AFAP1L2: variants seen among roughly 807,000 people sequenced by gnomAD.
The protein encoded by AFAP1L2 is actin filament-associated protein 1-like 2.
A neutral mutation model predicts 99.3 loss-of-function variants in AFAP1L2; 46 were observed. The ratio of observed to expected loss-of-function variants is 0.46; its 90% CI spans 0.37 to 0.59. AFAP1L2 has a LOEUF of 0.59. AFAP1L2 is among the 20% of genes least tolerant of loss of function. The pLI, the probability that AFAP1L2 is intolerant of heterozygous loss-of-function variation, is 0.00. For synonymous variants in AFAP1L2, 397 were observed against 419.1 expected (o/e 0.95, Z 0.64); for missense variants, 959 against 1,034.9 (o/e 0.93, Z 1.01).
Position 114,300,496 on chromosome 10 carries a change from A to T in AFAP1L2, c.1737T>A (p.Gly579=). 6.2e-7 allele frequency: 1 copy of T among 1,614,022 alleles called. No homozygotes were observed. The highest frequency in any genetic ancestry group is 8.5e-7 in the Non-Finnish European group (1 of 1,179,994). ...TTATGCAGGGCTCATCTGGGGTGGGACCTGGGCCTGAGTCTGCCGGGAGGG... is the reference window on the plus strand; with the variant it reads ...TTATGCAGGGCTCATCTGGGGTGGGTCCTGGGCCTGAGTCTGCCGGGAGGG... ...TEALPADSGP[G]PTPDEPCIKC... Residue 579 remains glycine (G), a synonymous_variant, in exon 14 of 19, where the codon GGT becomes GGA. Transcript: ENST00000304129.
chr10:114,322,341 T>C (rs1185728582), intron 5 of AFAP1L2, among the ~76,000 whole-genome samples: 1 of 152,216 alleles, frequency 6.6e-6, no homozygotes, highest in African/African-American at 2.4e-5. Flanking sequence ...AAGTCATTCC[T>C]GTGGCTGGCA....
chr10:114,284,813 C>CA, the AFAP1L2 span: 1 of 1,534,146 alleles, frequency 6.5e-7, no homozygotes, highest in South Asian at 1.2e-5. Flanking sequence ...CAGTCCTCTC[C>CA]ACTCCTCTGT....
intron 1 of AFAP1L2, among the ~76,000 whole-genome samples, chr10:114,390,075 G>A (rs1217763789): frequency 3.9e-5 from 6 of 152,092 alleles, no homozygotes; most frequent in East Asian, 3.9e-4. Context: ...GCACCTTTCC[G>A]TTTGTATGTG....
At chr10:114,383,492 T>C (rs1415339811) in intron 1 of AFAP1L2, among the ~76,000 whole-genome samples, 1 of 151,928 alleles carries the variant, frequency 6.6e-6, no homozygotes, top group Non-Finnish European at 1.5e-5. Flanking sequence ...TCATGGAGGG[T>C]GGAATTCTAG....
intron 12 of AFAP1L2, chr10:114,301,875 T>G: frequency 3.9e-6 from 1 of 257,216 alleles, no homozygotes; most frequent in East Asian, 9.0e-5. Flanking sequence ...CTGATTCTGT[T>G]TCAGTGGCTC....
intron 1 of AFAP1L2, among the ~76,000 whole-genome samples, chr10:114,352,830 A>G (rs926592002): frequency 6.6e-6 from 1 of 152,216 alleles, no homozygotes; most frequent in Non-Finnish European, 1.5e-5. Context: ...GACAGCCACA[A>G]GGGGCAATGT....
intron 3 of AFAP1L2, among the ~76,000 whole-genome samples, chr10:114,332,637 C>A (rs2047405636): frequency 6.6e-6 from 1 of 152,222 alleles, no homozygotes; most frequent in Admixed American, 6.5e-5. Context: ...AACTAGGCAG[C>A]TCTGCATACC....
intron 2 of AFAP1L2, among the ~76,000 whole-genome samples, chr10:114,334,492 G>A (rs760605906): frequency 1.3e-5 from 2 of 152,178 alleles, no homozygotes; most frequent in African/African-American, 4.8e-5. Context: ...TCTGTTGCAC[G>A]ACCACAGACC....
intron 5 of AFAP1L2, among the ~76,000 whole-genome samples, chr10:114,319,353 T>C (rs967565033): frequency 1.6e-5 from 2 of 127,730 alleles, no homozygotes; most frequent in Non-Finnish European, 3.2e-5. Context: ...CTTTTAGCCA[T>C]GTGTTTTGAT....
At chr10:114,388,725 G>C (rs1265446998) in intron 1 of AFAP1L2, among the ~76,000 whole-genome samples, 1 of 152,194 alleles carries the variant, frequency 6.6e-6, no homozygotes, top group East Asian at 1.9e-4. Context: ...AAGGACATCA[G>C]CACGTTCATT....
At chr10:114,384,391 C>T (rs11597049) in intron 1 of AFAP1L2, among the ~76,000 whole-genome samples, 24,037 of 151,336 alleles carry the variant, frequency 0.16, 2,429 homozygotes, top group African/African-American at 0.29. Context: ...CTGAGAAGGG[C>T]CATTGTTCCC....
chr10:114,396,555 C>A (rs1674654103), intron 1 of AFAP1L2, among the ~76,000 whole-genome samples: 1 of 152,222 alleles, frequency 6.6e-6, no homozygotes. Context: ...CAAAATCAAT[C>A]CTAGCTAGCA....
chr10:114,360,670 A>G (rs1250017965), intron 1 of AFAP1L2, among the ~76,000 whole-genome samples: 1 of 152,218 alleles, frequency 6.6e-6, no homozygotes, highest in Non-Finnish European at 1.5e-5. Context: ...TTCAATTTGA[A>G]ATACATTTTT....
At chr10:114,357,977 C>T (rs2051644598) in intron 1 of AFAP1L2, among the ~76,000 whole-genome samples, 1 of 152,160 alleles carries the variant, frequency 6.6e-6, no homozygotes, top group East Asian at 1.9e-4. Flanking sequence ...AACCAGATTC[C>T]TACAGTATAA....
chr10:114,307,894 G>C lies in AFAP1L2; in HGVS notation c.983C>G (p.Ser328Cys). The C allele has an allele frequency of 5.0e-6, 8 of 1,614,114 alleles. No individual in the cohort carries two copies. The highest frequency in any genetic ancestry group is 6.8e-6 in the Non-Finnish European group (8 of 1,180,010). Reference protein sequence around the residue: ...PETKDVKKKCSAGLKLSNLMN... With the variant: ...PETKDVKKKCCAGLKLSNLMN... Reference sequence around the variant, plus strand: ...TAGGTTGCTCAGTTTGAGGCCAGCAGAACATTTCTTCTTGACTGTCAAGAT... The same window carrying C: ...TAGGTTGCTCAGTTTGAGGCCAGCACAACATTTCTTCTTGACTGTCAAGAT... The change falls in exon 10 of 19, where the codon TCT (serine) becomes TGT (cysteine). Residue 328 changes from serine (S) to cysteine (C), a missense_variant. Around this residue, in one of 2 missense-constraint regions of AFAP1L2, gnomAD observed 383 missense variants for 472.8 expected, o/e 0.81. Transcript: ENST00000304129.
At chr10:114,369,393 A>C (rs2053773199) in intron 1 of AFAP1L2, among the ~76,000 whole-genome samples, 1 of 152,134 alleles carries the variant, frequency 6.6e-6, no homozygotes, top group Non-Finnish European at 1.5e-5. Flanking sequence ...CAGGAGATCG[A>C]GACCATCCTG....
chr10:114,345,386 C>A (rs1166469235), intron 1 of AFAP1L2, among the ~76,000 whole-genome samples: 4 of 152,076 alleles, frequency 2.6e-5, no homozygotes, highest in Non-Finnish European at 4.4e-5. Flanking sequence ...AGAGAATAAT[C>A]CTGAAGCTGT....
At chr10:114,404,615 C>T (rs2058556839), upstream of AFAP1L2, 2 of 1,064,958 alleles carry the variant, frequency 1.9e-6, no homozygotes, top group Admixed American at 4.4e-5. Flanking sequence ...GGACCTGGCC[C>T]CCGCCAGGGC....
At position 114,377,352 on chromosome 10, in the gene AFAP1L2, T is replaced by G. The variant is rs2054941963; in HGVS notation, c.16+27088A>C. Among the ~76,000 whole-genome samples, 1 of 152,112 alleles carries G rather than the reference T, an allele frequency of 6.6e-6. No individual in the cohort carries two copies. The highest frequency in any genetic ancestry group is 2.1e-4 in the South Asian group (1 of 4,826). ...CAAGAATCAAATGTGGCTTGAAGCA[T>G]GATTTAGAAACTAGATGACTTTGGG... On this transcript the variant is annotated intron_variant, in intron 1 of 18. Coordinates refer to ENST00000304129, the MANE Select transcript of AFAP1L2 (RefSeq NM_001001936.3). The surrounding 1 kb of genome is among the most constrained non-coding windows in gnomAD (Gnocchi z 4.0).
Sources: allele counts gnomAD v4.1 joint callset (sites outside exome capture counted in the v4.1 genomes callset), GRCh38; gene constraint gnomAD v4.1.1; regional missense constraint gnomAD v4.1.1; non-coding constraint Gnocchi (gnomAD v3.1); transcripts MANE v1.5; gene names NCBI Gene and HGNC (gene_info 2026-07-23, HGNC 2026-07-21).